SLC35F1: variants seen among roughly 807,000 people sequenced by gnomAD.
SLC35F1 encodes the protein solute carrier family 35 member F1, also known as chromosome 6 open reading frame 169.
Under a neutral mutation model 48.7 loss-of-function variants are expected in SLC35F1, and 14 were observed. The observed-to-expected ratio is 0.29, with a 90% CI of 0.19 to 0.45. SLC35F1 has a LOEUF of 0.45. SLC35F1 is among the 20% of genes least tolerant of loss of function. The pLI, the probability that SLC35F1 is intolerant of heterozygous loss-of-function variation, is 1.00. For synonymous variants in SLC35F1, 190 were observed against 202.2 expected, an observed-to-expected ratio of 0.94 and a Z score of 0.51; for missense variants, 404 against 500.0, an observed-to-expected ratio of 0.81 and a Z score of 1.83.
chr6:117,939,343 A>T (rs1360302420), intron 1 of SLC35F1, among the ~76,000 whole-genome samples: 2 of 152,218 alleles, frequency 1.3e-5, no homozygotes, highest in Non-Finnish European at 2.9e-5. Flanking sequence ...AGCAGCGCTT[A>T]GCTCTATTTC....
intron 2 of SLC35F1, among the ~76,000 whole-genome samples, chr6:118,182,655 G>C (rs928989032): frequency 6.6e-6 from 1 of 152,004 alleles, no homozygotes; most frequent in Non-Finnish European, 1.5e-5. Context: ...GATTGCATGA[G>C]GCCAGGAGTT....
intron 1 of SLC35F1, among the ~76,000 whole-genome samples, chr6:117,938,779 A>G (rs1359747685): frequency 1.3e-5 from 2 of 152,168 alleles, no homozygotes; most frequent in East Asian, 3.9e-4. Context: ...TGCCTGGGAT[A>G]TACGCACATC....
chr6:118,308,495 G>C (rs556939974), intron 7 of SLC35F1, among the ~76,000 whole-genome samples: 2 of 152,266 alleles, frequency 1.3e-5, no homozygotes, highest in South Asian at 4.1e-4. Flanking sequence ...ATAACCTTGA[G>C]AATGGCCAAT....
chr6:118,041,978 T>C lies in SLC35F1; in HGVS notation c.174-112467T>C, dbSNP rs141897557. On this transcript the variant is annotated intron_variant, in intron 1 of 7. Transcript: ENST00000360388. ...AAAAGCATCATCTGTACTTAAACTTTTATGCTATTGCACACATAGCTGTCC... is the reference window on the plus strand; with the variant it reads ...AAAAGCATCATCTGTACTTAAACTTCTATGCTATTGCACACATAGCTGTCC... 1.8e-3 allele frequency among the ~76,000 whole-genome samples: 277 copies of C among 152,306 alleles called. 2 individuals are homozygous for C. The highest frequency in any genetic ancestry group is 6.3e-3 in the African/African-American group (263 of 41,568).
intron 4 of SLC35F1, among the ~76,000 whole-genome samples, chr6:118,272,191 G>A (rs1213866911): frequency 2.0e-5 from 3 of 152,138 alleles, no homozygotes; most frequent in Non-Finnish European, 4.4e-5. Context: ...CACAGTCCCT[G>A]CCCTTCAACC....
intron 1 of SLC35F1, among the ~76,000 whole-genome samples, chr6:118,079,115 T>C (rs563896359): frequency 1.3e-5 from 2 of 152,232 alleles, no homozygotes; most frequent in Non-Finnish European, 2.9e-5. Flanking sequence ...AGTCAAATGT[T>C]ATGTAACTAT....
chr6:118,002,140 A>T (rs1777108209), intron 1 of SLC35F1, among the ~76,000 whole-genome samples: 1 of 150,560 alleles, frequency 6.6e-6, no homozygotes, highest in Non-Finnish European at 1.5e-5. Flanking sequence ...TGCTATAAAG[A>T]CACATGCACA....
intron 1 of SLC35F1, among the ~76,000 whole-genome samples, chr6:118,042,069 T>C (rs2114902676): frequency 6.6e-6 from 1 of 152,296 alleles, no homozygotes; most frequent in East Asian, 1.9e-4. Context: ...AAAATAAAGC[T>C]AAAATCCAAT....
intron 1 of SLC35F1, among the ~76,000 whole-genome samples, chr6:118,088,028 C>T (rs1773016637): frequency 6.6e-6 from 1 of 152,132 alleles, no homozygotes; most frequent in Non-Finnish European, 1.5e-5. Flanking sequence ...TTTATAGTTA[C>T]ACATATTCTT....
intron 2 of SLC35F1, among the ~76,000 whole-genome samples, chr6:118,177,293 T>A (rs1774504446): frequency 6.6e-6 from 1 of 152,144 alleles, no homozygotes; most frequent in Non-Finnish European, 1.5e-5. Context: ...GTCAAGTATG[T>A]TATAACTGAC....
At chr6:118,013,638 G>C (rs1031952433) in intron 1 of SLC35F1, among the ~76,000 whole-genome samples, 1 of 152,190 alleles carries the variant, frequency 6.6e-6, no homozygotes, top group East Asian at 1.9e-4. Flanking sequence ...TAGCATAGCC[G>C]ATTGAAATGG....
intron 1 of SLC35F1, among the ~76,000 whole-genome samples, chr6:118,041,547 G>A (rs1194647699): frequency 1.3e-5 from 2 of 152,050 alleles, no homozygotes. Context: ...GAGACATTTA[G>A]ACAAAAATCA....
At chr6:118,110,807 C>T (rs956670325) in intron 1 of SLC35F1, among the ~76,000 whole-genome samples, 7 of 152,086 alleles carry the variant, frequency 4.6e-5, no homozygotes, top group Non-Finnish European at 1.0e-4. Context: ...AGGGAGAAAG[C>T]ATTCTATAGT....
intron 1 of SLC35F1, among the ~76,000 whole-genome samples, chr6:117,922,662 G>C (rs2114802067): frequency 6.6e-6 from 1 of 152,350 alleles, no homozygotes; most frequent in East Asian, 1.9e-4. Context: ...AGCATTACTT[G>C]AAGGCATCTT....
chr6:118,062,224 G>A (rs1772551388), intron 1 of SLC35F1, among the ~76,000 whole-genome samples: 1 of 152,136 alleles, frequency 6.6e-6, no homozygotes, highest in Non-Finnish European at 1.5e-5. Context: ...AAGCAAACCT[G>A]TTGTCAATGT....
rs528924597 is a variant in SLC35F1, at chr6:117,944,033, G to GA, written c.173+36141dup. Among the ~76,000 whole-genome samples the GA allele has an allele frequency of 1.1e-3, 168 of 152,128 alleles. 1 individual carries two copies. The highest frequency in any genetic ancestry group is 0.01 in the Middle Eastern group (3 of 294). On this transcript the variant is annotated intron_variant, in intron 1 of 7. Transcript: ENST00000360388. Reference sequence around the variant, plus strand: ...ATGTGAAGTCTAGCTTTGCAAGTGTGAAAAAAAGCACTAAAAATTGATGGT... The same window carrying GA: ...ATGTGAAGTCTAGCTTTGCAAGTGTGAAAAAAAAGCACTAAAAATTGATGGT...
intron 3 of SLC35F1, among the ~76,000 whole-genome samples, chr6:118,259,832 C>T (rs777864918): frequency 6.6e-6 from 1 of 152,018 alleles, no homozygotes; most frequent in Non-Finnish European, 1.5e-5. Flanking sequence ...AAGTGTTAAA[C>T]ACTGAGTTAC....
At chr6:118,112,078 A>T (rs879741282) in intron 1 of SLC35F1, among the ~76,000 whole-genome samples, 5 of 132,504 alleles carry the variant, frequency 3.8e-5, no homozygotes, top group African/African-American at 1.3e-4. Flanking sequence ...CTTTTTCTTT[A>T]TTTCTTTCTT....
rs1371190859 is a variant in SLC35F1, at chr6:118,316,220, T to C, written c.*1968T>C. ...CTATAACGGGTAAGTGGACCTACCCTTGGAGATAGAGAAGAAAAATTATCT... is the reference window on the plus strand; with the variant it reads ...CTATAACGGGTAAGTGGACCTACCCCTGGAGATAGAGAAGAAAAATTATCT... On this transcript the variant is annotated 3_prime_UTR_variant, in exon 8 of 8. Transcript: ENST00000360388. 1 of 152,222 alleles carries C rather than the reference T, an allele frequency of 6.6e-6. No individual in the cohort carries two copies. Among genetic ancestry groups the C allele is most frequent in the South Asian group, 2.1e-4 (1 of 4,834 alleles). The allele number at this position is 152,222 out of a possible 1,614,324, so 9.4% of individuals were successfully genotyped here.
Sources: gnomAD v4.1 joint callset for allele counts (sites outside exome capture counted in the v4.1 genomes callset) on GRCh38, gnomAD v4.1.1 for gene constraint, MANE v1.5 for transcripts, NCBI Gene and HGNC (gene_info 2026-07-23, HGNC 2026-07-21) for gene names.